The following ADAMTS20 variants were observed in gnomAD, a reference collection of about 807,000 sequenced individuals.
The protein encoded by ADAMTS20 is ADAM metallopeptidase with thrombospondin type 1 motif 20.
A neutral mutation model predicts 260.1 loss-of-function variants in ADAMTS20; 225 were observed. That is an observed-to-expected ratio of 0.87 (90% CI 0.78 to 0.97). The LOEUF is 0.97. Among genes scored for constraint, ADAMTS20 ranks in the 50% least tolerant of loss-of-function variants. The probability of loss-of-function intolerance (pLI) is 0.00; values close to 1 mark genes in which losing one functional copy is unlikely to be tolerated. For missense variants in ADAMTS20, 2,400 were observed against 2,337.7 expected, an observed-to-expected ratio of 1.03 and a Z score of -0.55; for synonymous variants, 802 against 769.5, an observed-to-expected ratio of 1.04 and a Z score of -0.70.
chr12:43,425,898 TAAATC>T (rs1215716216), intron 27 of ADAMTS20, among the ~76,000 whole-genome samples: 4 of 152,106 alleles, frequency 2.6e-5, no homozygotes, highest in African/African-American at 4.8e-5. Flanking sequence ...GACAAAAAAA[TAAATC>T]AAAGTTTCAA....
intron 11 of ADAMTS20, among the ~76,000 whole-genome samples, chr12:43,461,031 G>A (rs543183036): frequency 2.1e-5 from 2 of 95,270 alleles, no homozygotes; most frequent in African/African-American, 8.6e-5. Flanking sequence ...TCTCACTCTT[G>A]TCCCCTAGTA....
At chr12:43,492,910 A>G (rs1328207326) in intron 5 of ADAMTS20, among the ~76,000 whole-genome samples, 1 of 152,266 alleles carries the variant, frequency 6.6e-6, no homozygotes, top group Non-Finnish European at 1.5e-5. Flanking sequence ...CATTAGGATT[A>G]TAAAAATGAA....
chr12:43,516,073 C>G (rs1942996306), intron 3 of ADAMTS20, among the ~76,000 whole-genome samples: 1 of 152,000 alleles, frequency 6.6e-6, no homozygotes, highest in Admixed American at 6.6e-5. Flanking sequence ...TTCTGGCTCT[C>G]ATTCAAGGGA....
chr12:43,418,919 T>G, intron 28 of ADAMTS20, among the ~76,000 whole-genome samples: 1 of 152,316 alleles, frequency 6.6e-6, no homozygotes, highest in African/African-American at 2.4e-5. Context: ...GTGACAAACC[T>G]TGTTATTTGG....
At chr12:43,517,117 T>C (rs968226779) in intron 3 of ADAMTS20, among the ~76,000 whole-genome samples, 7 of 152,028 alleles carry the variant, frequency 4.6e-5, no homozygotes, top group Non-Finnish European at 8.8e-5. Context: ...TTATATGTAT[T>C]AGAAAAGGTT....
intron 5 of ADAMTS20, 111 bp downstream of exon 5, chr12:43,493,059 C>T: frequency 1.3e-6 from 1 of 768,996 alleles, no homozygotes; most frequent in South Asian, 1.7e-5. Flanking sequence ...CAAATCAAGT[C>T]TTTTAAAATT....
chr12:43,389,692 T>TTTTTTTGTTTTTG (rs1555174073), intron 29 of ADAMTS20, among the ~76,000 whole-genome samples: 6 of 151,694 alleles, frequency 4.0e-5, no homozygotes, highest in African/African-American at 1.5e-4. Context: ...CAGCCAGGTT[T>TTTTTTTGTTTTTG]TTTTTGTTTT....
At chr12:43,468,467 A>G (rs898676438) in intron 8 of ADAMTS20, 133 bp downstream of exon 8, 7 of 652,690 alleles carry the variant, frequency 1.1e-5, no homozygotes, top group African/African-American at 9.3e-5. Context: ...TTAGCATTTC[A>G]GGGAAGAAAA....
rs71091149 is a variant in ADAMTS20 at position 43,373,670 on chromosome 12, C to CTTT, written c.5446+1706_5446+1708dup. 2.0e-4 allele frequency among the ~76,000 whole-genome samples: 14 copies of CTTT among 71,264 alleles called. 1 individual carries two copies. The highest frequency in any genetic ancestry group is 1.9e-4 in the Non-Finnish European group (8 of 41,242). 46.8% of individuals were successfully genotyped at this position (71,264 alleles called of 152,430 possible). Reference sequence around the variant, plus strand: ...ACTAGATATGTTAGAAATATCATCTCTTTTTTTTTTTTTTTTTTTTTTTTT... The same window carrying CTTT: ...ACTAGATATGTTAGAAATATCATCTCTTTTTTTTTTTTTTTTTTTTTTTTTTTT... On this transcript the variant is annotated intron_variant, in intron 36 of 38. Transcript: ENST00000389420.
At chr12:43,410,755 G>A (rs527749956) in intron 28 of ADAMTS20, among the ~76,000 whole-genome samples, 13 of 152,316 alleles carry the variant, frequency 8.5e-5, no homozygotes, top group Non-Finnish European at 1.2e-4. Context: ...AGAAACAACT[G>A]TCTTCAAATA....
intron 7 of ADAMTS20, among the ~76,000 whole-genome samples, chr12:43,474,943 C>T (rs1263463061): frequency 1.6e-4 from 14 of 88,412 alleles, no homozygotes; most frequent in Non-Finnish European, 2.9e-4. Flanking sequence ...ACAGGGATGC[C>T]CTCTCTCACC....
chr12:43,468,675 G>A lies in ADAMTS20; in HGVS notation c.1148C>T (p.Pro383Leu). 6.2e-7 allele frequency: 1 copy of A among 1,607,334 alleles called. No homozygotes were observed. Among genetic ancestry groups the A allele is most frequent in the South Asian group, 1.1e-5 (1 of 90,068 alleles). Residue 383 changes from proline to leucine, a missense_variant, in exon 8 of 39, where the codon CCT (proline) becomes CTT (leucine). By Grantham distance (98) the Pro-to-Leu change is moderately conservative. Transcript: ENST00000389420. ...TTCATTAATAAAGCAGCTTTGTAAA[G>A]GATCACATATGGTACCTAAATATGA... ...GLSYLGTICD[P>L]LQSCFINEEK...
intron 3 of ADAMTS20, among the ~76,000 whole-genome samples, chr12:43,529,357 G>T (rs1943189776): frequency 6.6e-6 from 1 of 152,144 alleles, no homozygotes; most frequent in South Asian, 2.1e-4. Context: ...GCACACATAT[G>T]TTTATTGCAG....
At chr12:43,469,286 G>A (rs1183167997) in intron 7 of ADAMTS20, among the ~76,000 whole-genome samples, 1 of 152,052 alleles carries the variant, frequency 6.6e-6, no homozygotes, top group Non-Finnish European at 1.5e-5. Context: ...GAATAATTTT[G>A]TAACATTTCC....
rs568748227 is a variant in ADAMTS20 at position 43,423,463 on chromosome 12, G to C, written c.4284+2051C>G. On this transcript the variant is annotated intron_variant, in intron 28 of 38. Coordinates refer to ENST00000389420, the MANE Select transcript of ADAMTS20 (RefSeq NM_025003.5). The stretch of plus-strand genomic sequence containing the variant: ...GCTTGGTGAATTGAAGTCATGAATG[G>C]GTAGGGAAAATAAAACGTCTATGCT... 6.9e-6 allele frequency: 3 copies of C among 436,180 alleles called. No homozygotes were observed. In the East Asian group the frequency reaches 1.1e-4, roughly 16 times the overall value. The allele number at this position is 436,180 out of a possible 1,614,324, so 27.0% of individuals were successfully genotyped here.
In ADAMTS20 at chr12:43,502,362, G is replaced by T. The variant is rs747738401; in HGVS notation, c.657C>A (p.Ser219Arg). 89 of 1,606,700 alleles carry T rather than the reference G, an allele frequency of 5.5e-5. No homozygotes were observed. Among genetic ancestry groups the T allele is most frequent in the Middle Eastern group, 1.7e-4 (1 of 6,058 alleles). ...TTACATTAAGATCTTCATTCATGTT[G>T]CTGTAGGTATGAAAGGGTAAACTGG... The part of the protein sequence containing the change: ...KETSLPFHTY[S>R]NMNEDLNVMK... Residue 219 changes from serine (S) to arginine (R), a missense_variant, in exon 4 of 39, where the codon AGC becomes AGA. Ser to Arg is a moderately radical substitution (Grantham distance 110, BLOSUM62 -1). Transcript: ENST00000389420.
At chr12:43,458,621 C>A (rs1942007575) in intron 11 of ADAMTS20, among the ~76,000 whole-genome samples, 1 of 152,138 alleles carries the variant, frequency 6.6e-6, no homozygotes. Context: ...CTGTCCTGAC[C>A]ATCATATTTT....
At chr12:43,403,045 A>C (rs1940840091) in intron 28 of ADAMTS20, among the ~76,000 whole-genome samples, 1 of 152,136 alleles carries the variant, frequency 6.6e-6, no homozygotes, top group Admixed American at 6.6e-5. Flanking sequence ...AAAATTTGCA[A>C]GGCCTGAAAA....
intron 28 of ADAMTS20, among the ~76,000 whole-genome samples, chr12:43,411,397 C>T (rs1391470923): frequency 1.3e-5 from 2 of 152,198 alleles, no homozygotes; most frequent in East Asian, 1.9e-4. Context: ...GACAAAGTTT[C>T]GCTCTTGTTG....
Sources: gnomAD v4.1 joint callset for allele counts (sites outside exome capture counted in the v4.1 genomes callset) on GRCh38, gnomAD v4.1.1 for gene constraint, MANE v1.5 for transcripts, NCBI Gene and HGNC (gene_info 2026-07-23, HGNC 2026-07-21) for gene names.